NFATC1: variants seen among roughly 807,000 people sequenced by gnomAD.
The protein encoded by NFATC1 is nuclear factor of activated T-cells, cytoplasmic 1.
A neutral mutation model predicts 76.0 loss-of-function variants in NFATC1; 22 were observed. The observed-to-expected ratio is 0.29, with a 90% CI of 0.21 to 0.41. The LOEUF is 0.41. Ranked by LOEUF, NFATC1 falls within the 10% of genes least tolerant of loss-of-function variation. The pLI is 1.00. For missense variants in NFATC1, 1,357 were observed against 1,337.7 expected (o/e 1.01, Z -0.23); for synonymous variants, 704 against 613.1 (o/e 1.15, Z -2.19).
At chr18:79,404,421 G>C (rs550498600) in intron 1 of NFATC1, among the ~76,000 whole-genome samples, 1 of 152,230 alleles carries the variant, frequency 6.6e-6, no homozygotes, top group South Asian at 2.1e-4. Flanking sequence ...GTGAGGCAGC[G>C]TTTCCCAGGC....
chr18:79,514,691 C>T (rs1445205640), intron 9 of NFATC1, among the ~76,000 whole-genome samples: 3 of 151,544 alleles, frequency 2.0e-5, no homozygotes, highest in Admixed American at 6.6e-5. Context: ...AACTTTCACA[C>T]CTAACAAAAT....
At chr18:79,523,689 G>C (rs150407833) in intron 9 of NFATC1, among the ~76,000 whole-genome samples, 81 of 152,346 alleles carry the variant, frequency 5.3e-4, no homozygotes, top group African/African-American at 1.9e-3. Flanking sequence ...GTGGGTGTGT[G>C]GATGTGGCCT....
At chr18:79,404,846 G>A (rs2085380383) in intron 1 of NFATC1, among the ~76,000 whole-genome samples, 2 of 152,210 alleles carry the variant, frequency 1.3e-5, no homozygotes, top group Admixed American at 1.3e-4. Context: ...AGCACGGCGG[G>A]GTCTGCAAGG....
At chr18:79,448,075 T>C (rs935618385) in intron 3 of NFATC1, among the ~76,000 whole-genome samples, 3 of 152,208 alleles carry the variant, frequency 2.0e-5, no homozygotes, top group Non-Finnish European at 4.4e-5. Context: ...GTCCCAGTGG[T>C]GTGGGTTTTG....
intron 9 of NFATC1, chr18:79,493,304 G>A (rs556643462): frequency 2.0e-5 from 3 of 152,394 alleles, no homozygotes; most frequent in Non-Finnish European, 4.4e-5. Flanking sequence ...CGTTTGTGGG[G>A]CCTGTGTCTT....
chr18:79,521,436 CTGTG>C (rs1248049070), intron 9 of NFATC1, among the ~76,000 whole-genome samples: 1 of 49,250 alleles, frequency 2.0e-5, no homozygotes, highest in Non-Finnish European at 3.7e-5. Context: ...ATGTGTGTGT[CTGTG>C]TGTGTGTGGG....
At chr18:79,407,846 T>C (rs1345156152) in intron 1 of NFATC1, among the ~76,000 whole-genome samples, 2 of 152,222 alleles carry the variant, frequency 1.3e-5, no homozygotes, top group African/African-American at 4.8e-5. Context: ...AAGGCGGGAC[T>C]GGGGCCTGGC....
chr18:79,501,141 G>T (rs906345192), intron 9 of NFATC1, among the ~76,000 whole-genome samples: 2 of 152,154 alleles, frequency 1.3e-5, no homozygotes, highest in African/African-American at 4.8e-5. Context: ...GACCAAGTGG[G>T]ATTTATCCCA....
intron 8 of NFATC1, among the ~76,000 whole-genome samples, chr18:79,483,144 C>G (rs1245980432): frequency 1.1e-5 from 1 of 89,964 alleles, no homozygotes; most frequent in South Asian, 4.6e-4. Flanking sequence ...GACCTGGTTC[C>G]TGGGGTGTAA....
chr18:79,437,674 G>GCCACCCTCTGCCCT (rs1331469809), intron 3 of NFATC1, among the ~76,000 whole-genome samples: 1 of 152,216 alleles, frequency 6.6e-6, no homozygotes, highest in African/African-American at 2.4e-5. Flanking sequence ...TCGGGCAGCC[G>GCCACCCTCTGCCCT]CCACCCTCTG....
chr18:79,427,649 T>C, intron 2 of NFATC1, among the ~76,000 whole-genome samples: 1 of 82,286 alleles, frequency 1.2e-5, no homozygotes, highest in Non-Finnish European at 2.2e-5. Context: ...CGGTGGAGGC[T>C]GGACGGCTGG....
chr18:79,408,401 A>C (rs2085514837), intron 1 of NFATC1, among the ~76,000 whole-genome samples: 1 of 152,230 alleles, frequency 6.6e-6, no homozygotes, highest in South Asian at 2.1e-4. Flanking sequence ...TTCAAATCAG[A>C]AATCCAGAGG....
At chr18:79,510,011 G>A (rs927238600) in intron 9 of NFATC1, among the ~76,000 whole-genome samples, 4 of 152,208 alleles carry the variant, frequency 2.6e-5, no homozygotes, top group South Asian at 2.1e-4. Flanking sequence ...CAGACATCTC[G>A]AAAGAGCCTG....
chr18:79,412,435 GTTT>G (rs551116096), intron 2 of NFATC1, among the ~76,000 whole-genome samples: 27 of 135,526 alleles, frequency 2.0e-4, no homozygotes, highest in African/African-American at 5.7e-4. Flanking sequence ...TCCTGTTTTT[GTTT>G]TTTTTTTTTT....
At chr18:79,404,545 C>A (rs552596401) in intron 1 of NFATC1, among the ~76,000 whole-genome samples, 1 of 152,244 alleles carries the variant, frequency 6.6e-6, no homozygotes. Context: ...CAGCAGACTC[C>A]GTGGCTGTCT....
intron 6 of NFATC1, among the ~76,000 whole-genome samples, chr18:79,456,556 C>T (rs540150630): frequency 1.3e-5 from 2 of 152,372 alleles, no homozygotes; most frequent in African/African-American, 2.4e-5. Flanking sequence ...TCCTTGTTTT[C>T]CTAGGGTCTG....
At chr18:79,499,443 A>C (rs559127767) in intron 9 of NFATC1, among the ~76,000 whole-genome samples, 217 of 152,392 alleles carry the variant, frequency 1.4e-3, no homozygotes, top group Non-Finnish European at 2.4e-3. Context: ...ATGAAGGAAC[A>C]TAGAAACAAT....
intron 9 of NFATC1, among the ~76,000 whole-genome samples, chr18:79,518,819 T>C (rs3786222): frequency 0.14 from 21,309 of 152,244 alleles, 1,562 homozygotes; most frequent in Admixed American, 0.17. Context: ...TGTCCCTCAG[T>C]GGACGGCCGT....
intron 2 of NFATC1, chr18:79,421,875 TG>T (rs2086105887): frequency 6.6e-6 from 1 of 152,306 alleles, no homozygotes. Flanking sequence ...GTCTTGGTGC[TG>T]GGTCTTCTCC....
Sources: gnomAD v4.1 joint callset for allele counts (sites outside exome capture counted in the v4.1 genomes callset) on GRCh38, gnomAD v4.1.1 for gene constraint, MANE v1.5 for transcripts, NCBI Gene and HGNC (gene_info 2026-07-23, HGNC 2026-07-21) for gene names.